ATP8A1: variants seen among roughly 807,000 people sequenced by gnomAD.
ATP8A1 encodes phospholipid-transporting ATPase IA.
ATP8A1 carries 90 observed loss-of-function variants against 177.7 expected under a neutral mutation model. The ratio of observed to expected loss-of-function variants is 0.51; its 90% CI spans 0.43 to 0.60. The LOEUF (loss-of-function observed/expected upper bound fraction) is 0.60. Among genes scored for constraint, ATP8A1 ranks in the 20% least tolerant of loss-of-function variants. ATP8A1 has a pLI of 0.00. For synonymous variants in ATP8A1, 493 were observed against 485.9 expected (o/e 1.01, Z -0.19); for missense variants, 1,072 against 1,392.8 (o/e 0.77, Z 3.67).
rs985892560 is a variant in ATP8A1, at chr4:42,408,406, A to G, written c.*4510T>C. Reference sequence around the variant, plus strand: ...AATGGTAAAGTTTATTTCATTTTTAATAACAATTAGAGGACAAAATGTTTA... The same window carrying G: ...AATGGTAAAGTTTATTTCATTTTTAGTAACAATTAGAGGACAAAATGTTTA... On this transcript the variant is annotated 3_prime_UTR_variant, in exon 37 of 37. Transcript: ENST00000381668. 6.6e-5 allele frequency: 10 copies of G among 152,238 alleles called. No homozygotes were observed. Among genetic ancestry groups the G allele is most frequent in the African/African-American group, 1.4e-4 (6 of 41,462 alleles). 9.4% of individuals were successfully genotyped at this position (152,238 alleles called of 1,614,324 possible). A position where few individuals can be genotyped will look rare whatever the true frequency, so the allele number is the denominator to read the frequency against.
intron 25 of ATP8A1, among the ~76,000 whole-genome samples, chr4:42,469,793 CAG>C (rs766622709): frequency 1.8e-4 from 27 of 152,290 alleles, no homozygotes; most frequent in South Asian, 6.2e-4. Flanking sequence ...TTACTCTACT[CAG>C]AGTTTATTTA....
intron 5 of ATP8A1, among the ~76,000 whole-genome samples, chr4:42,611,821 A>C (rs1314021425): frequency 6.6e-6 from 1 of 152,254 alleles, no homozygotes; most frequent in African/African-American, 2.4e-5. Flanking sequence ...GTAATTTATA[A>C]ATTTCTGCAA....
intron 14 of ATP8A1, among the ~76,000 whole-genome samples, chr4:42,573,034 T>A (rs1732062809): frequency 6.6e-6 from 1 of 152,220 alleles, no homozygotes; most frequent in Non-Finnish European, 1.5e-5. Context: ...AGATGGGCAC[T>A]GCTCTTTAGA....
chr4:42,639,712 T>C (rs1228026155), intron 1 of ATP8A1, among the ~76,000 whole-genome samples: 1 of 152,158 alleles, frequency 6.6e-6, no homozygotes, highest in African/African-American at 2.4e-5. Flanking sequence ...AAGTGAACTG[T>C]TACTAATCAG....
At chr4:42,616,590 C>T (rs1736939947) in intron 4 of ATP8A1, among the ~76,000 whole-genome samples, 1 of 152,154 alleles carries the variant, frequency 6.6e-6, no homozygotes, top group Non-Finnish European at 1.5e-5. Context: ...TGACTTGAAC[C>T]AACGATGTCT....
chr4:42,648,763 T>C (rs980318908), intron 1 of ATP8A1, among the ~76,000 whole-genome samples: 3 of 152,154 alleles, frequency 2.0e-5, no homozygotes, highest in Non-Finnish European at 4.4e-5. Flanking sequence ...ACATATAAGT[T>C]CTTAAACTTC....
At chr4:42,499,966 T>A (rs1723683564) in intron 24 of ATP8A1, among the ~76,000 whole-genome samples, 1 of 152,224 alleles carries the variant, frequency 6.6e-6, no homozygotes. Context: ...TTATCATTAA[T>A]TAGAAGTCTG....
At chr4:42,565,803 TA>T (rs1326868578) in intron 15 of ATP8A1, among the ~76,000 whole-genome samples, 2 of 152,196 alleles carry the variant, frequency 1.3e-5, no homozygotes, top group Non-Finnish European at 2.9e-5. Context: ...CAGAAAATGA[TA>T]AAAAATAATT....
chr4:42,434,139 A>T (rs985313536), intron 33 of ATP8A1, among the ~76,000 whole-genome samples: 35 of 152,178 alleles, frequency 2.3e-4, no homozygotes, highest in Non-Finnish European at 3.7e-4. Context: ...TGTCCTATTT[A>T]AAAACTTAAA....
chr4:42,587,892 G>A (rs970913900), intron 8 of ATP8A1, among the ~76,000 whole-genome samples: 2 of 152,102 alleles, frequency 1.3e-5, no homozygotes, highest in Non-Finnish European at 2.9e-5. Context: ...ACAGGCGTGA[G>A]CCACCGCGCC....
intron 25 of ATP8A1, among the ~76,000 whole-genome samples, chr4:42,475,157 A>AT (rs1560366618): frequency 6.6e-6 from 1 of 152,166 alleles, no homozygotes; most frequent in African/African-American, 2.4e-5. Context: ...AGCAGTGTGG[A>AT]TTCAGACACA....
At chr4:42,472,713 G>A (rs1487557338) in intron 25 of ATP8A1, among the ~76,000 whole-genome samples, 11 of 142,108 alleles carry the variant, frequency 7.7e-5, no homozygotes, top group African/African-American at 2.4e-4. Flanking sequence ...TCGCGCCATC[G>A]CACTCCAGCT....
intron 27 of ATP8A1, among the ~76,000 whole-genome samples, chr4:42,457,073 C>T (rs4591641): frequency 0.47 from 72,044 of 151,976 alleles, 17,859 homozygotes; most frequent in African/African-American, 0.61. Context: ...AGAGCTGTAA[C>T]ACATATTAAC....
intron 24 of ATP8A1, among the ~76,000 whole-genome samples, chr4:42,494,433 C>G (rs542089686): frequency 2.0e-5 from 3 of 152,312 alleles, no homozygotes; most frequent in African/African-American, 7.2e-5. Context: ...CGAGATCACG[C>G]CACTGCACTC....
At chr4:42,478,307 G>T (rs1311560635) in intron 25 of ATP8A1, among the ~76,000 whole-genome samples, 1 of 152,074 alleles carries the variant, frequency 6.6e-6, no homozygotes, top group Admixed American at 6.5e-5. Flanking sequence ...GTACGTAGAG[G>T]TTGCAGTGAG....
At chr4:42,606,595 A>G (rs1304417991) in intron 5 of ATP8A1, among the ~76,000 whole-genome samples, 1 of 152,182 alleles carries the variant, frequency 6.6e-6, no homozygotes, top group Non-Finnish European at 1.5e-5. Flanking sequence ...TCCTTGTCTT[A>G]GGCAGTGTTC....
intron 1 of ATP8A1, among the ~76,000 whole-genome samples, chr4:42,643,636 T>C (rs1360200163): frequency 6.6e-6 from 1 of 152,196 alleles, no homozygotes; most frequent in Non-Finnish European, 1.5e-5. Flanking sequence ...TTTCAACCCT[T>C]ACCCCCAAGA....
intron 22 of ATP8A1, among the ~76,000 whole-genome samples, chr4:42,512,357 T>G (rs1725091572): frequency 6.6e-6 from 1 of 152,186 alleles, no homozygotes; most frequent in Non-Finnish European, 1.5e-5. Flanking sequence ...CAGGCCTGAG[T>G]CACCCGTCAG....
At chr4:42,440,439 C>A (rs1035637693) in intron 33 of ATP8A1, among the ~76,000 whole-genome samples, 1 of 148,244 alleles carries the variant, frequency 6.7e-6, no homozygotes, top group Admixed American at 6.8e-5. Flanking sequence ...ACCTGCTGTA[C>A]TTTTCTCTAG....
Sources: gnomAD v4.1 joint callset for allele counts (sites outside exome capture counted in the v4.1 genomes callset) on GRCh38, gnomAD v4.1.1 for gene constraint, MANE v1.5 for transcripts, NCBI Gene and HGNC (gene_info 2026-07-23, HGNC 2026-07-21) for gene names.